The following MAP3K7CL variants were observed in gnomAD, a reference collection of about 807,000 sequenced individuals.
MAP3K7CL encodes MAP3K7 C-terminal-like protein.
Under a neutral mutation model 18.6 loss-of-function variants are expected in MAP3K7CL, and 16 were observed. The observed-to-expected ratio is 0.86, with a 90% CI of 0.58 to 1.31. The LOEUF is 1.31. MAP3K7CL is among the 50% of genes most tolerant of loss of function. The pLI, the probability that MAP3K7CL is intolerant of heterozygous loss-of-function variation, is 0.00. For missense variants in MAP3K7CL, 163 were observed against 174.4 expected, an observed-to-expected ratio of 0.93 and a Z score of 0.37; for synonymous variants, 65 against 66.8, an observed-to-expected ratio of 0.97 and a Z score of 0.13.
intron 4 of MAP3K7CL, among the ~76,000 whole-genome samples, chr21:29,120,108 T>A (rs932179962): frequency 1.3e-5 from 2 of 152,180 alleles, no homozygotes; most frequent in Non-Finnish European, 2.9e-5. Flanking sequence ...CAGTTCTGGT[T>A]ATTGATTGTT....
At chr21:29,135,856 C>G (rs2086874433) in intron 2 of MAP3K7CL, among the ~76,000 whole-genome samples, 1 of 152,056 alleles carries the variant, frequency 6.6e-6, no homozygotes, top group Non-Finnish European at 1.5e-5. Context: ...CTAGCCCCAC[C>G]AAAAGATGCT....
chr21:29,109,869 T>C, intron 4 of MAP3K7CL: 2 of 817,688 alleles, frequency 2.4e-6, no homozygotes, highest in South Asian at 1.1e-4. Flanking sequence ...TCAAAGGGTA[T>C]GTTGAATTTG....
intron 4 of MAP3K7CL, among the ~76,000 whole-genome samples, chr21:29,162,913 T>C (rs1247064424): frequency 6.6e-6 from 1 of 152,140 alleles, no homozygotes; most frequent in East Asian, 1.9e-4. Flanking sequence ...GAGACTAGCC[T>C]GGCCAACATG....
At chr21:29,083,986 T>C (rs2085881996), upstream of MAP3K7CL, among the ~76,000 whole-genome samples, 1 of 147,842 alleles carries the variant, frequency 6.8e-6, no homozygotes, top group Non-Finnish European at 1.5e-5. Context: ...ATATAACATA[T>C]GTATACACAC....
intron 2 of MAP3K7CL, among the ~76,000 whole-genome samples, chr21:29,136,000 A>G (rs1012435819): frequency 6.6e-6 from 1 of 152,170 alleles, no homozygotes; most frequent in Non-Finnish European, 1.5e-5. Flanking sequence ...CCTGATTAAA[A>G]TCATCACCTG....
At chr21:29,150,927 G>A (rs1238343639) in intron 3 of MAP3K7CL, among the ~76,000 whole-genome samples, 1 of 151,560 alleles carries the variant, frequency 6.6e-6, no homozygotes, top group Non-Finnish European at 1.5e-5. Context: ...GTGCCACCAC[G>A]CCCGGATAAT....
upstream of MAP3K7CL, chr21:29,085,072 G>A (rs2085900686): frequency 6.6e-6 from 1 of 152,222 alleles, no homozygotes. Flanking sequence ...CTCATTTGAG[G>A]TGTGGAATAA....
intron 4 of MAP3K7CL, among the ~76,000 whole-genome samples, chr21:29,164,528 C>T (rs1393180182): frequency 3.3e-5 from 5 of 152,196 alleles, no homozygotes; most frequent in Admixed American, 1.3e-4. Flanking sequence ...TCTCTCTCAT[C>T]TCCAGAGGAG....
intron 2 of MAP3K7CL, among the ~76,000 whole-genome samples, chr21:29,136,963 A>G (rs1037733139): frequency 2.0e-5 from 3 of 152,270 alleles, no homozygotes; most frequent in African/African-American, 7.2e-5. Context: ...ACCTACCTCC[A>G]ACACTATTTG....
At chr21:29,152,413 G>A (rs2832220) in intron 3 of MAP3K7CL, among the ~76,000 whole-genome samples, 32,423 of 152,050 alleles carry the variant, frequency 0.21, 3,567 homozygotes, top group East Asian at 0.27. Context: ...TTTATAGTCA[G>A]TCTCGTGTGC....
intron 4 of MAP3K7CL, among the ~76,000 whole-genome samples, chr21:29,167,259 T>A (rs1313239015): frequency 2.6e-5 from 4 of 152,240 alleles, no homozygotes; most frequent in African/African-American, 9.6e-5. Flanking sequence ...TTTTTGTTTC[T>A]GAGGTGAAAA....
At chr21:29,137,602 G>A (rs566416823) in intron 2 of MAP3K7CL, among the ~76,000 whole-genome samples, 1 of 152,192 alleles carries the variant, frequency 6.6e-6, no homozygotes, top group Admixed American at 6.5e-5. Context: ...GAAAGCAGGA[G>A]CAAAACTTAA....
rs530059404 is a variant in MAP3K7CL at position 29,145,388 on chromosome 21, C to T, written c.71-3801C>T. Among the ~76,000 whole-genome samples, 7 of 152,236 alleles carry T rather than the reference C, an allele frequency of 4.6e-5. No individual in the cohort carries two copies. In the East Asian group the frequency reaches 5.8e-4, roughly 13 times the overall value. ...CAAACTTAACTGCTGTCAGGAACTC[C>T]GATCCGGTATCACTGTCAAAATGTT... On this transcript the variant is annotated intron_variant, in intron 2 of 4. Transcript: ENST00000399928.
In MAP3K7CL at chr21:29,149,645, A is replaced by G. The variant is rs368870745; in HGVS notation, c.132+395A>G. 1.0e-3 allele frequency among the ~76,000 whole-genome samples: 156 copies of G among 152,308 alleles called. 1 individual carries two copies. Among genetic ancestry groups the G allele is most frequent in the African/African-American group, 3.4e-3 (143 of 41,574 alleles). On this transcript the variant is annotated intron_variant, in intron 3 of 4. Transcript: ENST00000399928. The stretch of plus-strand genomic sequence containing the variant: ...CTTACCATGTTTGCCAAGACTTTGG[A>G]ATAATCTTCCTTTCTCTGTTCCCTG...
chr21:29,128,305 ATTT>A (rs537659012), upstream of MAP3K7CL: 3 of 145,382 alleles, frequency 2.1e-5, no homozygotes, highest in Admixed American at 6.9e-5. Flanking sequence ...TTTCAATTAA[ATTT>A]TTTTTTTTTT....
intron 4 of MAP3K7CL, among the ~76,000 whole-genome samples, chr21:29,164,502 A>G (rs923641197): frequency 6.6e-6 from 1 of 152,180 alleles, no homozygotes; most frequent in Non-Finnish European, 1.5e-5. Flanking sequence ...TTAAGGTTTG[A>G]ACTCCAAACT....
chr21:29,109,836 C>A, intron 4 of MAP3K7CL: 1 of 966,152 alleles, frequency 1.0e-6, no homozygotes, highest in Non-Finnish European at 1.2e-6. Flanking sequence ...ATAGTGTAGA[C>A]TCCCAGGAGT....
In MAP3K7CL at chr21:29,108,937, A is replaced by G. The variant is rs1487080473; in HGVS notation, c.370+16356A>G. 19 of 1,027,922 alleles carry G rather than the reference A, an allele frequency of 1.8e-5. No homozygotes were observed. The Middle Eastern group carries it at 6.8e-4, about 37-fold the overall frequency. 63.7% of individuals were successfully genotyped at this position (1,027,922 alleles called of 1,614,324 possible). Reference sequence around the variant, plus strand: ...GAAAATTAGTCAAAATGAGAAATGCATGAATGCTTTGGTTACAGTCTTGAA... The same window carrying G: ...GAAAATTAGTCAAAATGAGAAATGCGTGAATGCTTTGGTTACAGTCTTGAA... On this transcript the variant is annotated intron_variant, in intron 4 of 6. Transcript: ENST00000286791.
At chr21:29,106,862 G>T (rs1288682179) in intron 4 of MAP3K7CL, among the ~76,000 whole-genome samples, 1 of 152,182 alleles carries the variant, frequency 6.6e-6, no homozygotes, top group African/African-American at 2.4e-5. Context: ...TGTCTATTCT[G>T]CCAGTCCTTG....
Sources: gnomAD v4.1 joint callset for allele counts (sites outside exome capture counted in the v4.1 genomes callset) on GRCh38, gnomAD v4.1.1 for gene constraint, MANE v1.5 for transcripts, NCBI Gene and HGNC (gene_info 2026-07-23, HGNC 2026-07-21) for gene names.